ROBO2: variants seen among roughly 807,000 people sequenced by gnomAD.
ROBO2 encodes roundabout homolog 2.
In ROBO2, 53 loss-of-function variants were observed where a neutral mutation model predicts 160.8. That is an observed-to-expected ratio of 0.33 (90% CI 0.26 to 0.41). The LOEUF is 0.41. Among genes scored for constraint, ROBO2 ranks in the 10% least tolerant of loss-of-function variants. The probability of loss-of-function intolerance (pLI) is 1.00; values close to 1 mark genes in which losing one functional copy is unlikely to be tolerated. For synonymous variants in ROBO2, 664 were observed against 611.7 expected (o/e 1.09, Z -1.26); for missense variants, 1,577 against 1,722.4 (o/e 0.92, Z 1.49).
Position 76,946,009 on chromosome 3 carries a change from C to G in ROBO2, c.110-152005C>G, listed in dbSNP as rs1207831249. 3.3e-5 allele frequency among the ~76,000 whole-genome samples: 5 copies of G among 152,148 alleles called. No individual in the cohort carries two copies. In the East Asian group the frequency reaches 9.7e-4, roughly 29 times the overall value. ...TAGTTTATTGAATGGCAAATTTTACCTTTTTTAGCTGCTGGATATTTTTGT... is the reference window on the plus strand; with the variant it reads ...TAGTTTATTGAATGGCAAATTTTACGTTTTTTAGCTGCTGGATATTTTTGT... On this transcript the variant is annotated intron_variant, in intron 2 of 26. Transcript: ENST00000487694.
At chr3:76,012,254 T>C (rs1157683935) in intron 2 of ROBO2, among the ~76,000 whole-genome samples, 1 of 152,182 alleles carries the variant, frequency 6.6e-6, no homozygotes, top group African/African-American at 2.4e-5. Context: ...CAATTATAAT[T>C]ATAAAGTATA....
Position 77,200,806 on chromosome 3 carries a change from T to C in ROBO2, c.388+102466T>C, listed in dbSNP as rs1202767419. 6.6e-5 allele frequency among the ~76,000 whole-genome samples: 10 copies of C among 152,284 alleles called. No individual in the cohort carries two copies. The East Asian group carries it at 1.9e-3, about 29-fold the overall frequency. On this transcript the variant is annotated intron_variant, in intron 2 of 25. Coordinates refer to ENST00000461745, the Ensembl canonical transcript of ROBO2. ...GTTACCAGTAACTGGAGGGCTGATA[T>C]GGTTAAGCACATTGTGTCTGAATAA... is the stretch of plus-strand genomic sequence containing the variant.
At chr3:76,508,310 C>G (rs969972825) in intron 2 of ROBO2, among the ~76,000 whole-genome samples, 1 of 152,032 alleles carries the variant, frequency 6.6e-6, no homozygotes, top group Non-Finnish European at 1.5e-5. Flanking sequence ...ATTAATTATT[C>G]TTTTAACCAT....
chr3:76,585,333 C>G (rs909745271), intron 2 of ROBO2, among the ~76,000 whole-genome samples: 1 of 152,188 alleles, frequency 6.6e-6, no homozygotes, highest in African/African-American at 2.4e-5. Flanking sequence ...GCCACATTAA[C>G]ATGAAAAATA....
At chr3:76,507,027 A>G (rs541174935) in intron 2 of ROBO2, among the ~76,000 whole-genome samples, 2 of 152,170 alleles carry the variant, frequency 1.3e-5, no homozygotes, top group Admixed American at 6.5e-5. Flanking sequence ...AAATATTAGT[A>G]TCAATTGTAA....
Position 77,617,510 on chromosome 3 carries a change from C to A in ROBO2, c.3294-3C>A. On this transcript the variant is annotated splice_region_variant and splice_polypyrimidine_tract_variant and intron_variant, in intron 21 of 25. Coordinates refer to ENST00000461745, the Ensembl canonical transcript of ROBO2. ...TGTGCATATTTTTCTCATTTAATTT[C>A]AGCTATGACAGTGATAGCTGGTGCC... 6.2e-7 allele frequency: 1 copy of A among 1,614,056 alleles called. No homozygotes were observed. Among genetic ancestry groups the A allele is most frequent in the Non-Finnish European group, 8.5e-7 (1 of 1,179,984 alleles).
At chr3:76,428,345 A>G (rs1427091247) in intron 2 of ROBO2, among the ~76,000 whole-genome samples, 1 of 152,152 alleles carries the variant, frequency 6.6e-6, no homozygotes, top group African/African-American at 2.4e-5. Context: ...TATATTGTAT[A>G]TTTTTTATAT....
rs568948847 is a variant in ROBO2 at position 76,887,588 on chromosome 3, G to T, written c.110-210426G>T. Among the ~76,000 whole-genome samples the T allele has an allele frequency of 1.6e-3, 249 of 152,080 alleles. 1 individual carries two copies. The highest frequency in any genetic ancestry group is 5.7e-3 in the African/African-American group (238 of 41,482). On this transcript the variant is annotated intron_variant, in intron 2 of 26. Coordinates refer to the ROBO2 transcript ENST00000487694. ...CATCCCCGTCCTCTTATTAAATAGA[G>T]ATTCCTAGTATTGCTGTTATAAAAA...
At chr3:76,475,359 A>G (rs1256553302) in intron 2 of ROBO2, among the ~76,000 whole-genome samples, 1 of 152,026 alleles carries the variant, frequency 6.6e-6, no homozygotes, top group Non-Finnish European at 1.5e-5. Flanking sequence ...GTGGAAGGAG[A>G]GACAATGAGG....
At chr3:77,471,902 G>A (rs2083389525) in intron 2 of ROBO2, among the ~76,000 whole-genome samples, 1 of 152,108 alleles carries the variant, frequency 6.6e-6, no homozygotes, top group African/African-American at 2.4e-5. Flanking sequence ...GTCAACTCTG[G>A]TCTTTCCTCC....
rs2091371748 is a variant in ROBO2, at chr3:76,653,963, TA to T, written c.110-444050del. On this transcript the variant is annotated intron_variant, in intron 2 of 26. Coordinates refer to the ROBO2 transcript ENST00000487694. ...TCACTCACCATAAATCTTTGACTTTTAGAGGCAAGGCTTCCAAACTGAGGTG... is the reference window on the plus strand; with the variant it reads ...TCACTCACCATAAATCTTTGACTTTTGAGGCAAGGCTTCCAAACTGAGGTG... 5.9e-5 allele frequency among the ~76,000 whole-genome samples: 9 copies of T among 152,300 alleles called. No individual in the cohort carries two copies. In the South Asian group the frequency reaches 1.9e-3, roughly 32 times the overall value.
At chr3:76,480,275 C>A (rs13321281) in intron 2 of ROBO2, among the ~76,000 whole-genome samples, 7,645 of 152,106 alleles carry the variant, frequency 0.05, 648 homozygotes, top group African/African-American at 0.18. Flanking sequence ...TCTGAGAATA[C>A]TCCTCTTTAA....
intron 2 of ROBO2, among the ~76,000 whole-genome samples, chr3:76,703,903 G>T (rs1195290153): frequency 1.3e-5 from 2 of 151,996 alleles, no homozygotes; most frequent in South Asian, 2.1e-4. Flanking sequence ...TGGGTCAAAT[G>T]GTATTTCTGA....
chr3:76,043,903 A>G (rs933513039), intron 2 of ROBO2, among the ~76,000 whole-genome samples: 6 of 151,878 alleles, frequency 4.0e-5, no homozygotes, highest in Non-Finnish European at 8.8e-5. Context: ...CCTCCACCCC[A>G]TGCATTTTGT....
intron 1 of ROBO2, among the ~76,000 whole-genome samples, chr3:77,046,145 G>A (rs1421199842): frequency 6.6e-6 from 1 of 152,152 alleles, no homozygotes; most frequent in Non-Finnish European, 1.5e-5. Context: ...TTTAGTCTGT[G>A]TTTCACATTT....
intron 2 of ROBO2, among the ~76,000 whole-genome samples, chr3:77,282,406 A>T (rs1474540335): frequency 5.9e-5 from 9 of 152,072 alleles, no homozygotes; most frequent in Non-Finnish European, 1.2e-4. Context: ...TTACTAAGTG[A>T]CCAGAATAAT....
chr3:76,292,305 C>T (rs6776506), intron 2 of ROBO2, among the ~76,000 whole-genome samples: 117,484 of 152,056 alleles, frequency 0.77, 48,430 homozygotes, highest in Non-Finnish European at 0.94. Context: ...CACGAATTAA[C>T]TCAGGAAGGT....
intron 2 of ROBO2, among the ~76,000 whole-genome samples, chr3:76,745,767 A>G (rs1418665709): frequency 2.7e-5 from 4 of 150,738 alleles, no homozygotes; most frequent in African/African-American, 9.7e-5. Context: ...TCTCTTCTAA[A>G]AATACTCAAA....
intron 2 of ROBO2, among the ~76,000 whole-genome samples, chr3:76,436,159 A>AACACACACACACACACACACAC (rs3065704): frequency 0.06 from 8,402 of 140,350 alleles, 275 homozygotes; most frequent in African/African-American, 0.075. Flanking sequence ...TTAAAAGGAA[A>AACACACACACACACACACACAC]ACACACACAC....
Sources: allele counts gnomAD v4.1 joint callset (sites outside exome capture counted in the v4.1 genomes callset), GRCh38; gene constraint gnomAD v4.1.1; transcripts MANE v1.5; gene names NCBI Gene and HGNC (gene_info 2026-07-23, HGNC 2026-07-21).